The following TBC1D22A variants were observed in gnomAD, a reference collection of about 807,000 sequenced individuals.
The protein encoded by TBC1D22A is TBC1 domain family member 22A.
A neutral mutation model predicts 60.2 loss-of-function variants in TBC1D22A; 38 were observed. That is an observed-to-expected ratio of 0.63 (90% CI 0.49 to 0.83). The LOEUF is 0.83. TBC1D22A is among the 40% of genes least tolerant of loss of function. TBC1D22A has a pLI of 0.00. For synonymous variants in TBC1D22A, 302 were observed against 281.7 expected (o/e 1.07, Z -0.72); for missense variants, 628 against 701.0 (o/e 0.90, Z 1.18).
At chr22:46,960,248 G>A (rs1044668483) in intron 8 of TBC1D22A, among the ~76,000 whole-genome samples, 4 of 151,952 alleles carry the variant, frequency 2.6e-5, no homozygotes, top group African/African-American at 7.3e-5. Flanking sequence ...TATGTAGGAG[G>A]TACAGTGTTG....
intron 11 of TBC1D22A, among the ~76,000 whole-genome samples, chr22:47,073,222 A>G (rs1328081747): frequency 6.6e-6 from 1 of 152,254 alleles, no homozygotes; most frequent in Non-Finnish European, 1.5e-5. Context: ...GAAAGAGGAA[A>G]TCGTGTACTT....
intron 4 of TBC1D22A, among the ~76,000 whole-genome samples, chr22:46,809,444 C>T (rs899696872): frequency 3.3e-5 from 5 of 152,158 alleles, no homozygotes; most frequent in African/African-American, 7.2e-5. Context: ...CTTCAACATA[C>T]GAATTTGAGG....
chr22:46,963,058 C>CAAA (rs770317078), intron 8 of TBC1D22A, among the ~76,000 whole-genome samples: 1 of 136,634 alleles, frequency 7.3e-6, no homozygotes, highest in Non-Finnish European at 1.6e-5. Flanking sequence ...ACTAAAAATA[C>CAAA]AAAAAAAAAA....
chr22:47,128,124 C>T (rs1458686935), intron 12 of TBC1D22A, among the ~76,000 whole-genome samples: 1 of 4,088 alleles, frequency 2.4e-4, no homozygotes, highest in South Asian at 3.9e-3. Flanking sequence ...TCCCTCCACC[C>T]CACCCATCCC....
chr22:46,895,818 C>T (rs1691938110), intron 7 of TBC1D22A, among the ~76,000 whole-genome samples: 1 of 152,138 alleles, frequency 6.6e-6, no homozygotes, highest in Non-Finnish European at 1.5e-5. Context: ...AGGGTGTTAT[C>T]TGGAGCCTTC....
In TBC1D22A at chr22:47,083,646, ATCTG is replaced by A. The variant is rs374352154; in HGVS notation, c.1330-27856_1330-27853del. Among the ~76,000 whole-genome samples, 174 of 152,310 alleles carry A rather than the reference ATCTG, an allele frequency of 1.1e-3. 1 individual carries two copies. Among genetic ancestry groups the A allele is most frequent in the Middle Eastern group, 6.8e-3 (2 of 294 alleles). ...CTTACCCTTGTGCTGAGCTCTGTGA[ATCTG>A]TCTGTGAGTGAGGCTTTGGCAGACC... On this transcript the variant is annotated intron_variant, in intron 11 of 12. Transcript: ENST00000337137.
chr22:47,009,488 TTTC>T lies in TBC1D22A; in HGVS notation c.1201+11780_1201+11782del, dbSNP rs2061689102. Among the ~76,000 whole-genome samples, 1 of 150,192 alleles carries T rather than the reference TTTC, an allele frequency of 6.7e-6. No individual in the cohort carries two copies. Among genetic ancestry groups the T allele is most frequent in the Admixed American group, 6.6e-5 (1 of 15,114 alleles). On this transcript the variant is annotated intron_variant, in intron 10 of 12. Transcript: ENST00000337137. The surrounding 1 kb of genome is among the most constrained non-coding windows in gnomAD (Gnocchi z 5.8). ...ACCATCGTCATCACTATCACCATCA[TTTC>T]ATCACCATCATCACCACCATCATCT...
At chr22:47,061,812 G>C (rs1603213091) in intron 11 of TBC1D22A, among the ~76,000 whole-genome samples, 1 of 152,314 alleles carries the variant, frequency 6.6e-6, no homozygotes, top group East Asian at 1.9e-4. Flanking sequence ...TGTGACAAGG[G>C]TGTGGTGGCT....
intron 4 of TBC1D22A, among the ~76,000 whole-genome samples, chr22:46,849,546 TTC>T (rs2087175186): frequency 6.6e-6 from 1 of 152,114 alleles, no homozygotes; most frequent in Admixed American, 6.5e-5. Context: ...GTGACTCAGA[TTC>T]ATCTGTCTTT....
intron 10 of TBC1D22A, among the ~76,000 whole-genome samples, chr22:47,020,220 G>T (rs141405156): frequency 6.6e-6 from 1 of 152,320 alleles, no homozygotes; most frequent in Non-Finnish European, 1.5e-5. Flanking sequence ...CTAATGTGCT[G>T]CCCCTGCCTC....
chr22:46,951,994 G>A (rs1459513554), intron 8 of TBC1D22A, among the ~76,000 whole-genome samples: 1 of 152,190 alleles, frequency 6.6e-6, no homozygotes, highest in Non-Finnish European at 1.5e-5. Context: ...CACAGAGCAG[G>A]CTGTTTGTTA....
intron 8 of TBC1D22A, among the ~76,000 whole-genome samples, chr22:46,951,333 A>C (rs892595996): frequency 2.0e-5 from 3 of 152,204 alleles, no homozygotes; most frequent in African/African-American, 7.2e-5. Flanking sequence ...ACCACTTCAG[A>C]AGAACGTTCT....
At chr22:47,111,174 G>T (rs2065831881) in intron 11 of TBC1D22A, among the ~76,000 whole-genome samples, 1 of 152,198 alleles carries the variant, frequency 6.6e-6, no homozygotes, top group African/African-American at 2.4e-5. Context: ...TCTGTGTCTG[G>T]CATGGCACCA....
At chr22:46,989,602 CA>C (rs1321070447) in intron 9 of TBC1D22A, among the ~76,000 whole-genome samples, 2 of 152,022 alleles carry the variant, frequency 1.3e-5, no homozygotes, top group African/African-American at 2.4e-5. Context: ...GGAACACACA[CA>C]AAACATTTAT....
At position 47,013,189 on chromosome 22, in the gene TBC1D22A, C is replaced by T. The variant is rs147123815; in HGVS notation, c.1201+15480C>T. Among the ~76,000 whole-genome samples the T allele has an allele frequency of 1.5e-4, 23 of 152,234 alleles. No individual in the cohort carries two copies. In the East Asian group the frequency reaches 3.7e-3, roughly 24 times the overall value. ...GCTGGGAGTGGGAACAGCCAAATTG[C>T]GGTTAGCATTTTTCTTTTTAGCTGC... On this transcript the variant is annotated intron_variant, in intron 10 of 12. Coordinates refer to ENST00000337137, the MANE Select transcript of TBC1D22A (RefSeq NM_014346.5).
At chr22:46,922,813 A>G (rs574084887) in intron 8 of TBC1D22A, among the ~76,000 whole-genome samples, 3 of 152,306 alleles carry the variant, frequency 2.0e-5, no homozygotes, top group East Asian at 3.9e-4. Flanking sequence ...AAGCTATCAG[A>G]TCTAGGAGCT....
intron 4 of TBC1D22A, among the ~76,000 whole-genome samples, chr22:46,864,510 G>T (rs372262717): frequency 6.6e-6 from 1 of 152,296 alleles, no homozygotes; most frequent in African/African-American, 2.4e-5. Context: ...TATTTCTCAG[G>T]CCTCCTGTAC....
At chr22:47,137,283 AG>A (rs939471464) in intron 12 of TBC1D22A, among the ~76,000 whole-genome samples, 3 of 152,202 alleles carry the variant, frequency 2.0e-5, no homozygotes, top group African/African-American at 7.2e-5. Context: ...CCTCATGCAA[AG>A]AAAAAATATT....
At position 46,881,381 on chromosome 22, in the gene TBC1D22A, C is replaced by A. The variant is rs370658352; in HGVS notation, c.708+2658C>A. 8.9e-4 allele frequency among the ~76,000 whole-genome samples: 136 copies of A among 152,316 alleles called. 1 individual carries two copies. The highest frequency in any genetic ancestry group is 3.4e-3 in the Middle Eastern group (1 of 294). ...GCCTGCAGAACAGATAGTAGAAGGC[C>A]TGCCTTTTTCTCTTGCCCCCTCCAA... On this transcript the variant is annotated intron_variant, in intron 5 of 12. Transcript: ENST00000337137.
Sources: allele counts gnomAD v4.1 joint callset (sites outside exome capture counted in the v4.1 genomes callset), GRCh38; gene constraint gnomAD v4.1.1; non-coding constraint Gnocchi (gnomAD v3.1); transcripts MANE v1.5; gene names NCBI Gene and HGNC (gene_info 2026-07-23, HGNC 2026-07-21).